FRMD6: variants seen among roughly 807,000 people sequenced by gnomAD.
The protein encoded by FRMD6 is FERM domain-containing protein 6.
Under a neutral mutation model 73.2 loss-of-function variants are expected in FRMD6, and 37 were observed. That is an observed-to-expected ratio of 0.51 (90% CI 0.39 to 0.66). The LOEUF (loss-of-function observed/expected upper bound fraction) is 0.66. Among genes scored for constraint, FRMD6 ranks in the 30% least tolerant of loss-of-function variants. FRMD6 has a pLI of 0.00. For missense variants in FRMD6, 714 were observed against 780.5 expected, an observed-to-expected ratio of 0.91 and a Z score of 1.02; for synonymous variants, 273 against 282.2, an observed-to-expected ratio of 0.97 and a Z score of 0.33.
chr14:51,533,839 A>G (rs1361100447), intron 1 of FRMD6, among the ~76,000 whole-genome samples: 1 of 152,168 alleles, frequency 6.6e-6, no homozygotes, highest in Non-Finnish European at 1.5e-5. Context: ...GGTTGTGCCT[A>G]GTGAGTTCTT....
chr14:51,568,708 G>A (rs1887921062), intron 1 of FRMD6, among the ~76,000 whole-genome samples: 1 of 152,086 alleles, frequency 6.6e-6, no homozygotes, highest in Admixed American at 6.5e-5. Context: ...TAAATCCAAT[G>A]GGCTTGATAT....
At chr14:51,462,663 G>C in the FRMD6 span, among the ~76,000 whole-genome samples, 2 of 152,132 alleles carry the variant, frequency 1.3e-5, no homozygotes, top group Non-Finnish European at 2.9e-5. Flanking sequence ...GGAAAGGCTT[G>C]GTCTTGGGCC....
chr14:51,644,167 C>T (rs760006340), intron 2 of FRMD6, among the ~76,000 whole-genome samples: 10 of 152,020 alleles, frequency 6.6e-5, no homozygotes, highest in Non-Finnish European at 1.3e-4. Flanking sequence ...TACATTGACA[C>T]TTGAAAAAAA....
intron 1 of FRMD6, among the ~76,000 whole-genome samples, chr14:51,659,686 T>C (rs1168233737): frequency 6.6e-6 from 1 of 152,232 alleles, no homozygotes; most frequent in East Asian, 1.9e-4. Context: ...TTACGGTGAC[T>C]GATGTTGTGC....
At chr14:51,629,004 G>A (rs1374441251) in intron 2 of FRMD6, among the ~76,000 whole-genome samples, 6 of 150,314 alleles carry the variant, frequency 4.0e-5, no homozygotes, top group African/African-American at 1.5e-4. Flanking sequence ...AGCCTCCCGA[G>A]TAGCTGGGAC....
the FRMD6 span, among the ~76,000 whole-genome samples, chr14:51,465,449 C>G: frequency 3.9e-5 from 6 of 152,178 alleles, no homozygotes; most frequent in Non-Finnish European, 8.8e-5. Context: ...TCCCTCCCCC[C>G]GCCATCTCTA....
Position 51,633,621 on chromosome 14 carries a change from A to AG in FRMD6, c.-146-56069dup, listed in dbSNP as rs1555329153. Among the ~76,000 whole-genome samples the AG allele has an allele frequency of 1.4e-3, 142 of 99,356 alleles. 11 individuals are homozygous for AG. The highest frequency in any genetic ancestry group is 4.8e-3 in the African/African-American group (120 of 24,962). The allele number at this position is 99,356 out of a possible 152,430, so 65.2% of individuals were successfully genotyped here. A position where few individuals can be genotyped will look rare whatever the true frequency, so the allele number is the denominator to read the frequency against. On this transcript the variant is annotated intron_variant, in intron 2 of 14. Coordinates refer to the FRMD6 transcript ENST00000356218. ...GTCAAAAAAAAAAAAAAAAAAAAAA[A>AG]GAAATAATTATATGTCATAGTTTAA...
At chr14:51,663,947 G>A (rs1338637931) in intron 1 of FRMD6, among the ~76,000 whole-genome samples, 1 of 152,118 alleles carries the variant, frequency 6.6e-6, no homozygotes, top group East Asian at 1.9e-4. Flanking sequence ...CACTCATAAG[G>A]ACTTGACCCT....
intron 2 of FRMD6, among the ~76,000 whole-genome samples, chr14:51,600,410 AAGGTGAGAAAGGCTAGAAACAGACGT>A (rs1469368262): frequency 6.6e-6 from 1 of 152,198 alleles, no homozygotes; most frequent in Non-Finnish European, 1.5e-5. Flanking sequence ...TGCTATAACC[AAGGTGAGAAAGGCTAGAAACAGACGT>A]AGAATTACAA....
chr14:51,610,148 C>CTAGG (rs1611007), intron 2 of FRMD6, among the ~76,000 whole-genome samples: 30,597 of 151,866 alleles, frequency 0.2, 3,615 homozygotes, highest in Non-Finnish European at 0.26. Flanking sequence ...CTCTCTTGAC[C>CTAGG]TAGGCACAGG....
At chr14:51,676,816 C>T (rs995645016) in intron 1 of FRMD6, among the ~76,000 whole-genome samples, 1 of 152,120 alleles carries the variant, frequency 6.6e-6, no homozygotes. Flanking sequence ...CATCCTACCT[C>T]CAGCCTCCCC....
intron 1 of FRMD6, among the ~76,000 whole-genome samples, chr14:51,568,658 G>A (rs1251666566): frequency 6.6e-6 from 1 of 152,164 alleles, no homozygotes; most frequent in African/African-American, 2.4e-5. Context: ...CCATTTGTGA[G>A]TGAAGGAGAA....
chr14:51,556,645 A>T (rs185013716), intron 1 of FRMD6, among the ~76,000 whole-genome samples: 1 of 152,236 alleles, frequency 6.6e-6, no homozygotes, highest in East Asian at 1.9e-4. Context: ...TCCAAAGGAG[A>T]TTTAGTCCGT....
chr14:51,503,523 T>C (rs1403133489), intron 1 of FRMD6, among the ~76,000 whole-genome samples: 1 of 152,190 alleles, frequency 6.6e-6, no homozygotes, highest in Non-Finnish European at 1.5e-5. Context: ...ATCACTTTTA[T>C]TGATTTGCAC....
chr14:51,601,059 C>A (rs1001548841), intron 2 of FRMD6, among the ~76,000 whole-genome samples: 1 of 152,194 alleles, frequency 6.6e-6, no homozygotes, highest in African/African-American at 2.4e-5. Context: ...TTAAGAAGCA[C>A]CCTGATGCCC....
chr14:51,637,175 T>A (rs1048375192), intron 2 of FRMD6, among the ~76,000 whole-genome samples: 7 of 152,122 alleles, frequency 4.6e-5, no homozygotes, highest in African/African-American at 1.7e-4. Flanking sequence ...TGAGTTGTAA[T>A]CCTGCCACTG....
the FRMD6 span, among the ~76,000 whole-genome samples, chr14:51,465,634 G>C: frequency 6.6e-6 from 1 of 152,188 alleles, no homozygotes; most frequent in African/African-American, 2.4e-5. Context: ...TGTATCAAGA[G>C]TTTGTTCCTT....
chr14:51,528,359 G>A (rs79671549), intron 1 of FRMD6, among the ~76,000 whole-genome samples: 3 of 152,284 alleles, frequency 2.0e-5, no homozygotes, highest in East Asian at 3.9e-4. Flanking sequence ...CTAGGAATAG[G>A]CAGATTTTCC....
At chr14:51,511,267 A>G (rs573294851) in intron 1 of FRMD6, among the ~76,000 whole-genome samples, 2 of 152,340 alleles carry the variant, frequency 1.3e-5, no homozygotes, top group Admixed American at 1.3e-4. Flanking sequence ...CCACTTTCCA[A>G]AAAAAGAAAG....
Sources: gnomAD v4.1 joint callset for allele counts (sites outside exome capture counted in the v4.1 genomes callset) on GRCh38, gnomAD v4.1.1 for gene constraint, MANE v1.5 for transcripts, NCBI Gene and HGNC (gene_info 2026-07-23, HGNC 2026-07-21) for gene names.